Variants in CCDC30 observed in about 807,000 individuals in gnomAD.
The protein encoded by CCDC30 is coiled-coil domain containing 30.
Under a neutral mutation model 100.2 loss-of-function variants are expected in CCDC30, and 70 were observed. That is an observed-to-expected ratio of 0.70 (90% CI 0.58 to 0.85). The LOEUF (loss-of-function observed/expected upper bound fraction) is 0.85. Ranked by LOEUF, CCDC30 falls within the 40% of genes least tolerant of loss-of-function variation. CCDC30 has a pLI of 0.00. For synonymous variants in CCDC30, 233 were observed against 269.5 expected (o/e 0.86, Z 1.33); for missense variants, 652 against 771.2 (o/e 0.85, Z 1.83).
intron 6 of CCDC30, among the ~76,000 whole-genome samples, chr1:42,518,860 T>A (rs1644593755): frequency 6.6e-6 from 1 of 152,250 alleles, no homozygotes; most frequent in African/African-American, 2.4e-5. Context: ...CATCCTTGTC[T>A]GATCTTGGAG....
At chr1:42,456,485 C>T in the CCDC30 span, 915 of 1,379,642 alleles carry the variant, frequency 6.6e-4, 1 homozygote, top group Non-Finnish European at 8.1e-4. Flanking sequence ...CAGTACGGCG[C>T]GGCGCGTACA....
intron 6 of CCDC30, among the ~76,000 whole-genome samples, chr1:42,524,827 T>G (rs910646549): frequency 6.6e-6 from 1 of 152,186 alleles, no homozygotes; most frequent in African/African-American, 2.4e-5. Flanking sequence ...TCAAAAATAT[T>G]CGTATCAGAC....
intron 6 of CCDC30, among the ~76,000 whole-genome samples, chr1:42,531,057 C>A (rs1644797653): frequency 2.0e-5 from 3 of 152,112 alleles, no homozygotes; most frequent in Admixed American, 2.0e-4. Flanking sequence ...AAATAAAAAC[C>A]CCAATGTTGG....
Position 42,506,351 on chromosome 1 carries a change from C to T in CCDC30, c.456+7435C>T, listed in dbSNP as rs567782330. ...TGCATTTGAGAACACCTGTAAAAGT[C>T]CTATAGCTTGATTATAAACTATCTT... On this transcript the variant is annotated intron_variant, in intron 6 of 16. Coordinates refer to ENST00000668663, the Ensembl canonical transcript of CCDC30. Among the ~76,000 whole-genome samples the T allele has an allele frequency of 1.3e-4, 20 of 152,238 alleles. No individual in the cohort carries two copies. The South Asian group carries it at 3.3e-3, about 25-fold the overall frequency.
Position 42,566,329 on chromosome 1 carries a change from C to T in CCDC30, c.490C>T (p.Gln164Ter). The change falls in exon 7 of 17, where the codon CAG becomes TAG. Residue 164 changes from glutamine (Q) to a stop codon, truncating the protein, a stop_gained. Transcript: ENST00000668663. LOFTEE classifies it high-confidence loss of function. ...ATCTGGAGAAAAACTAAAATACAAC[C>T]AGCAAGGGGAAGTACAACAACTTCA... 1 of 1,613,684 alleles carries T rather than the reference C, an allele frequency of 6.2e-7. No homozygotes were observed. Among genetic ancestry groups the T allele is most frequent in the Non-Finnish European group, 8.5e-7 (1 of 1,179,738 alleles).
In CCDC30 at chr1:42,556,318, G is replaced by A. The variant is rs143762981; in HGVS notation, c.457-9978G>A. On this transcript the variant is annotated intron_variant, in intron 6 of 16. Transcript: ENST00000668663. Reference sequence around the variant, plus strand: ...TAACCATGAAGCCTGAGGAAATTGTGAGGCTTAGAGAAGAGCTGAGCCATA... The same window carrying A: ...TAACCATGAAGCCTGAGGAAATTGTAAGGCTTAGAGAAGAGCTGAGCCATA... The A allele has an allele frequency of 1.1e-5, 17 of 1,614,038 alleles. No individual in the cohort carries two copies. In the African/African-American group the frequency reaches 1.5e-4, roughly 14 times the overall value.
chr1:42,641,262 G>GTGTGTGT (rs1557486540), intron 12 of CCDC30, among the ~76,000 whole-genome samples: 2 of 122,450 alleles, frequency 1.6e-5, no homozygotes, highest in African/African-American at 6.5e-5. Flanking sequence ...TGTGTGTGTG[G>GTGTGTGT]AGACGGGGTC....
intron 6 of CCDC30, among the ~76,000 whole-genome samples, chr1:42,514,768 C>G (rs888918012): frequency 6.6e-5 from 10 of 152,174 alleles, no homozygotes; most frequent in African/African-American, 2.4e-4. Flanking sequence ...ATTCTCCTGC[C>G]TCACCCTCCC....
chr1:42,539,290 A>G, intron 6 of CCDC30: 1 of 1,594,698 alleles, frequency 6.3e-7, no homozygotes. Flanking sequence ...ACAAAGAGAG[A>G]ATTCTGAATT....
chr1:42,624,389 G>A (rs1646894946), intron 11 of CCDC30, among the ~76,000 whole-genome samples: 1 of 152,116 alleles, frequency 6.6e-6, no homozygotes, highest in Non-Finnish European at 1.5e-5. Flanking sequence ...TGATTGATTT[G>A]TGTATGTTGA....
intron 11 of CCDC30, among the ~76,000 whole-genome samples, chr1:42,613,599 G>A (rs1318693096): frequency 6.6e-6 from 1 of 152,168 alleles, no homozygotes; most frequent in African/African-American, 2.4e-5. Context: ...TTCCAGAACT[G>A]AGGGTTCCTC....
chr1:42,581,616 C>T (rs1645969091), intron 9 of CCDC30, 102 bp downstream of exon 13: 2 of 1,036,096 alleles, frequency 1.9e-6, no homozygotes, highest in South Asian at 3.5e-5. Context: ...TATTTCTGCT[C>T]TGTCCCCACT....
intron 9 of CCDC30, among the ~76,000 whole-genome samples, chr1:42,585,366 C>T (rs1374365182): frequency 6.6e-6 from 1 of 152,066 alleles, no homozygotes. Flanking sequence ...TCCCAAAGTG[C>T]TGGGATTATA....
intron 6 of CCDC30, among the ~76,000 whole-genome samples, chr1:42,548,883 A>G (rs1645194930): frequency 6.6e-6 from 1 of 152,208 alleles, no homozygotes; most frequent in African/African-American, 2.4e-5. Context: ...ACATGCACAC[A>G]GAAGCTGCTT....
intron 6 of CCDC30, among the ~76,000 whole-genome samples, chr1:42,538,150 A>C (rs561326095): frequency 0.044 from 558 of 12,756 alleles, 22 homozygotes; most frequent in African/African-American, 0.068. Flanking sequence ...CTGTCTCCAC[A>C]AAAAAAAAAA....
chr1:42,457,980 T>A, the CCDC30 span, among the ~76,000 whole-genome samples: 56,890 of 144,998 alleles, frequency 0.39, 11,529 homozygotes, highest in East Asian at 0.6. Flanking sequence ...ACACCAAAAA[T>A]CAAAACAAAA....
intron 10 of CCDC30, among the ~76,000 whole-genome samples, chr1:42,603,583 A>G (rs148983481): frequency 1.3e-5 from 2 of 152,224 alleles, no homozygotes; most frequent in African/African-American, 4.8e-5. Flanking sequence ...ATACTACTAC[A>G]TACCTATTAG....
rs56267063 is a variant in CCDC30 at position 42,496,122 on chromosome 1, AGTGTGTGTGTGTGTGTGT to A, written c.242-955_242-938del. Among the ~76,000 whole-genome samples the A allele has an allele frequency of 1.2e-4, 17 of 147,304 alleles. No homozygotes were observed. The East Asian group carries it at 1.2e-3, about 10-fold the overall frequency. On this transcript the variant is annotated intron_variant, in intron 4 of 16. Coordinates refer to ENST00000668663, the Ensembl canonical transcript of CCDC30. ...TGTCATTTGGGTTTTTTATTTGTGG[AGTGTGTGTGTGTGTGTGT>A]GTGTGTGTGTGTGTGTGTGTACTCA...
At chr1:42,524,231 T>G (rs1222983667) in intron 6 of CCDC30, among the ~76,000 whole-genome samples, 1 of 152,162 alleles carries the variant, frequency 6.6e-6, no homozygotes, top group Non-Finnish European at 1.5e-5. Flanking sequence ...TCCCAGGGAT[T>G]GCTGTTTTTG....
Sources: allele counts gnomAD v4.1 joint callset (sites outside exome capture counted in the v4.1 genomes callset), GRCh38; gene constraint gnomAD v4.1.1; transcripts MANE v1.5; gene names NCBI Gene and HGNC (gene_info 2026-07-23, HGNC 2026-07-21).